GLIPR1L1: variants seen among roughly 807,000 people sequenced by gnomAD.
GLIPR1L1 encodes GLIPR1 like 1.
Under a neutral mutation model 29.9 loss-of-function variants are expected in GLIPR1L1, and 26 were observed. The observed-to-expected ratio is 0.87, with a 90% confidence interval of 0.64 to 1.21. The LOEUF (loss-of-function observed/expected upper bound fraction) is 1.21. Ranked by LOEUF, GLIPR1L1 falls within the 50% of genes most tolerant of loss-of-function variation. GLIPR1L1 has a pLI of 0.00. For synonymous variants in GLIPR1L1, 77 were observed against 97.5 expected (o/e 0.79, Z 1.24); for missense variants, 305 against 290.3 (o/e 1.05, Z -0.37).
At chr12:75,354,817 A>G (rs2043044583) in intron 3 of GLIPR1L1, among the ~76,000 whole-genome samples, 1 of 152,198 alleles carries the variant, frequency 6.6e-6, no homozygotes, top group African/African-American at 2.4e-5. Flanking sequence ...GAACTCAGAA[A>G]TAAGACCGCA....
chr12:75,369,463 ATTT>A, intron 4 of GLIPR1L1: 11 of 935,782 alleles, frequency 1.2e-5, no homozygotes, highest in Non-Finnish European at 1.4e-5. Flanking sequence ...TTAATTAATT[ATTT>A]TTTTAAGTAG....
chr12:75,334,959 G>A, intron 1 of GLIPR1L1, 57 bp downstream of exon 1: 2 of 1,502,104 alleles, frequency 1.3e-6, no homozygotes, highest in Non-Finnish European at 1.8e-6. Flanking sequence ...AGGTATCTGG[G>A]TGATAAATTT....
At chr12:75,347,892 C>T (rs1047340907) in intron 3 of GLIPR1L1, among the ~76,000 whole-genome samples, 170 bp downstream of exon 3, 2 of 151,802 alleles carry the variant, frequency 1.3e-5, no homozygotes, top group Non-Finnish European at 2.9e-5. Flanking sequence ...AGAATATTGC[C>T]TTACTTAAAG....
intron 2 of GLIPR1L1, among the ~76,000 whole-genome samples, chr12:75,344,660 T>A (rs1292980379): frequency 6.6e-6 from 1 of 152,272 alleles, no homozygotes; most frequent in Non-Finnish European, 1.5e-5. Flanking sequence ...CATCATATCA[T>A]GTTGGGTAAA....
At chr12:75,337,637 C>T (rs147652022) in intron 1 of GLIPR1L1, among the ~76,000 whole-genome samples, 16 of 151,930 alleles carry the variant, frequency 1.1e-4, no homozygotes, top group East Asian at 3.9e-4. Context: ...CATATGTATA[C>T]GTCAGTGAAA....
At chr12:75,353,685 C>T (rs1030256429) in intron 3 of GLIPR1L1, among the ~76,000 whole-genome samples, 1 of 152,058 alleles carries the variant, frequency 6.6e-6, no homozygotes. Flanking sequence ...GGCAAAGAAA[C>T]AACAACAAAA....
At chr12:75,342,206 G>A (rs569287560) in intron 1 of GLIPR1L1, among the ~76,000 whole-genome samples, 35 of 152,202 alleles carry the variant, frequency 2.3e-4, no homozygotes, top group Admixed American at 2.0e-4. Flanking sequence ...TAGATATTGT[G>A]GGAGTGATTA....
intron 1 of GLIPR1L1, among the ~76,000 whole-genome samples, chr12:75,338,921 G>T (rs2041917607): frequency 6.6e-6 from 1 of 152,186 alleles, no homozygotes; most frequent in Non-Finnish European, 1.5e-5. Flanking sequence ...TCCCTGCAAA[G>T]GACTTGATCT....
In GLIPR1L1 at chr12:75,360,595, G is replaced by T. The variant is rs1022785430; in HGVS notation, c.522-2507G>T. 6 of 152,176 alleles carry T rather than the reference G, an allele frequency of 3.9e-5. No individual in the cohort carries two copies. In the East Asian group the frequency reaches 1.2e-3, roughly 29 times the overall value. The allele number at this position is 152,176 out of a possible 1,614,324, so 9.4% of individuals were successfully genotyped here. A position where few individuals can be genotyped will look rare whatever the true frequency, so the allele number is the denominator to read the frequency against. ...CGGGGGCATGCTGATGGGAGAGGTG[G>T]GTTCCCATGGCCTTAGGCAGCTCCT... On this transcript the variant is annotated intron_variant, in intron 3 of 5. Coordinates refer to ENST00000378695, the MANE Select transcript of GLIPR1L1 (RefSeq NM_001304964.2).
At chr12:75,363,342 A>T (rs2043745372) in intron 4 of GLIPR1L1, 152 bp downstream of exon 4, 1 of 394,110 alleles carries the variant, frequency 2.5e-6, no homozygotes, top group Admixed American at 4.5e-5. Flanking sequence ...AAATTGTAAT[A>T]CTTAAACTCA....
At chr12:75,363,339 A>G in intron 4 of GLIPR1L1, 149 bp downstream of exon 4, 1 of 397,222 alleles carries the variant, frequency 2.5e-6, no homozygotes. Context: ...CATAAATTGT[A>G]ATACTTAAAC....
At chr12:75,343,632 T>C in intron 1 of GLIPR1L1, 61 bp from the exon 2 acceptor site, 1 of 1,258,802 alleles carries the variant, frequency 7.9e-7, no homozygotes, top group Non-Finnish European at 1.1e-6. Context: ...ATTACAATAA[T>C]TAGAATAATT....
intron 3 of GLIPR1L1, 31 bp downstream of exon 3, chr12:75,347,753 T>C: frequency 8.4e-6 from 12 of 1,422,360 alleles, no homozygotes; most frequent in Non-Finnish European, 9.8e-6. Context: ...AATATTTTAA[T>C]TGAAATTAAT....
intron 3 of GLIPR1L1, among the ~76,000 whole-genome samples, chr12:75,358,463 T>C (rs868123414): frequency 2.6e-5 from 4 of 151,354 alleles, no homozygotes; most frequent in African/African-American, 4.8e-5. Context: ...ATAAGAATTA[T>C]ATGATTATCT....
At chr12:75,352,492 G>T (rs962084163) in intron 3 of GLIPR1L1, among the ~76,000 whole-genome samples, 2 of 152,208 alleles carry the variant, frequency 1.3e-5, no homozygotes, top group Non-Finnish European at 2.9e-5. Context: ...GGAGCACCCA[G>T]ATTCATAAAA....
At chr12:75,349,196 G>A (rs753375036) in intron 3 of GLIPR1L1, among the ~76,000 whole-genome samples, 1 of 152,136 alleles carries the variant, frequency 6.6e-6, no homozygotes, top group Non-Finnish European at 1.5e-5. Flanking sequence ...ACAGTTCTTG[G>A]CACTCACACA....
chr12:75,334,716 T>G lies in GLIPR1L1; in HGVS notation c.-13T>G, dbSNP rs775469106. The G allele has an allele frequency of 6.2e-7, 1 of 1,610,338 alleles. No individual in the cohort carries two copies. Among genetic ancestry groups the G allele is most frequent in the Non-Finnish European group, 8.5e-7 (1 of 1,177,868 alleles). On this transcript the variant is annotated 5_prime_UTR_variant, in exon 1 of 6. Transcript: ENST00000378695. ...CGCAGTCAGGGCATCCTCCGCATCC[T>G]CCACATCCTTCCATGGCTCTGAAGA...
intron 3 of GLIPR1L1, among the ~76,000 whole-genome samples, chr12:75,358,843 AAT>A (rs2043342422): frequency 6.9e-6 from 1 of 144,304 alleles, no homozygotes; most frequent in Non-Finnish European, 1.5e-5. Flanking sequence ...AACAATATAT[AAT>A]ATATTATATA....
intron 3 of GLIPR1L1, among the ~76,000 whole-genome samples, chr12:75,355,637 C>CA (rs1450004544): frequency 1.3e-5 from 2 of 152,060 alleles, no homozygotes; most frequent in East Asian, 1.9e-4. Flanking sequence ...GGTATATACC[C>CA]AAAAAATATA....
Sources: gnomAD v4.1 joint callset for allele counts (sites outside exome capture counted in the v4.1 genomes callset) on GRCh38, gnomAD v4.1.1 for gene constraint, MANE v1.5 for transcripts, NCBI Gene and HGNC (gene_info 2026-07-23, HGNC 2026-07-21) for gene names.